The following EPS15L1 variants were observed in gnomAD, a reference collection of about 807,000 sequenced individuals.
The protein encoded by EPS15L1 is epidermal growth factor receptor pathway substrate 15 like 1.
EPS15L1 carries 43 observed loss-of-function variants against 117.1 expected under a neutral mutation model. The observed-to-expected ratio is 0.37, with a 90% CI of 0.29 to 0.47. The LOEUF is 0.47. Ranked by LOEUF, EPS15L1 falls within the 20% of genes least tolerant of loss-of-function variation. The pLI is 0.99. For synonymous variants in EPS15L1, 459 were observed against 470.5 expected (o/e 0.98, Z 0.32); for missense variants, 981 against 1,164.0 (o/e 0.84, Z 2.29).
At chr19:16,456,543 G>A (rs955523674) in intron 1 of EPS15L1, among the ~76,000 whole-genome samples, 1 of 152,038 alleles carries the variant, frequency 6.6e-6, no homozygotes, top group African/African-American at 2.4e-5. Context: ...TGTAATCTCA[G>A]CTACTTGGGA....
At chr19:16,388,095 C>T (rs1437646606) in intron 19 of EPS15L1, among the ~76,000 whole-genome samples, 5 of 152,052 alleles carry the variant, frequency 3.3e-5, no homozygotes, top group East Asian at 1.9e-4. Flanking sequence ...CAGGCTGGAG[C>T]GCAGTGGTGC....
intron 20 of EPS15L1, among the ~76,000 whole-genome samples, chr19:16,385,462 C>T (rs1018186930): frequency 6.6e-6 from 1 of 152,208 alleles, no homozygotes; most frequent in East Asian, 1.9e-4. Flanking sequence ...AGAAGAGTGA[C>T]AAGTTGCCAC....
intron 22 of EPS15L1, among the ~76,000 whole-genome samples, chr19:16,375,897 ATGT>A (rs1397895158): frequency 6.6e-6 from 1 of 152,108 alleles, no homozygotes; most frequent in East Asian, 1.9e-4. Context: ...AACTTCCCCT[ATGT>A]TCACCTCTAC....
chr19:16,451,305 G>A (rs1228962687), intron 1 of EPS15L1, among the ~76,000 whole-genome samples: 1 of 152,078 alleles, frequency 6.6e-6, no homozygotes, highest in African/African-American at 2.4e-5. Flanking sequence ...GAGAAGTTTT[G>A]TTTTTTCTTT....
At chr19:16,445,929 G>A (rs17796594) in intron 1 of EPS15L1, among the ~76,000 whole-genome samples, 3,678 of 152,318 alleles carry the variant, frequency 0.024, 120 homozygotes, top group Admixed American at 0.086. Flanking sequence ...CGCCATCTTC[G>A]CCTCTGCAGT....
chr19:16,450,477 CTTTTT>C (rs768287701), intron 1 of EPS15L1, among the ~76,000 whole-genome samples: 7 of 108,174 alleles, frequency 6.5e-5, no homozygotes, highest in African/African-American at 1.1e-4. Context: ...TGTCCATCTT[CTTTTT>C]TTTTTTTTTT....
chr19:16,456,110 G>C (rs2093193404), intron 1 of EPS15L1, among the ~76,000 whole-genome samples: 2 of 152,196 alleles, frequency 1.3e-5, no homozygotes. Context: ...TGAGGCAGAA[G>C]AATCATTTGA....
At chr19:16,426,232 C>T (rs906354076) in intron 8 of EPS15L1, among the ~76,000 whole-genome samples, 3 of 152,232 alleles carry the variant, frequency 2.0e-5, no homozygotes, top group African/African-American at 4.8e-5. Flanking sequence ...GTGTGACCTC[C>T]GTGGGATTCC....
At chr19:16,393,636 G>A (rs1331809459) in intron 18 of EPS15L1, among the ~76,000 whole-genome samples, 8 of 145,226 alleles carry the variant, frequency 5.5e-5, no homozygotes, top group East Asian at 2.0e-4. Context: ...GCGACAGAGC[G>A]AGACTCCGTC....
rs1182828820 is a variant in EPS15L1, at chr19:16,356,018, A to G, written c.2587-167T>C. Among the ~76,000 whole-genome samples the G allele has an allele frequency of 2.0e-5, 3 of 152,266 alleles. No homozygotes were observed. The East Asian group carries it at 5.8e-4, about 29-fold the overall frequency. ...CTTGGCTGGGCCCAGTGGGCGTGCG[A>G]GCCTGTCTCAGGCCCCCCATCTGGA... On this transcript the variant is annotated intron_variant, in intron 23 of 23. Transcript: ENST00000455140.
intron 1 of EPS15L1, among the ~76,000 whole-genome samples, chr19:16,450,627 C>T (rs536303543): frequency 1.3e-5 from 2 of 151,920 alleles, no homozygotes; most frequent in African/African-American, 4.8e-5. Flanking sequence ...ATTACAGATG[C>T]ATGCCAACAC....
chr19:16,466,390 T>A (rs2093305382), intron 1 of EPS15L1, among the ~76,000 whole-genome samples: 1 of 152,116 alleles, frequency 6.6e-6, no homozygotes, highest in South Asian at 2.1e-4. Context: ...CATCATCAGA[T>A]CGGAACCTGC....
chr19:16,440,753 A>C, intron 4 of EPS15L1, 109 bp downstream of exon 4: 7 of 942,310 alleles, frequency 7.4e-6, no homozygotes, highest in Non-Finnish European at 1.0e-5. Flanking sequence ...AGCCGTGCTC[A>C]TGCCTAGTAA....
chr19:16,430,131 C>T (rs771688191), intron 7 of EPS15L1, among the ~76,000 whole-genome samples: 2 of 152,224 alleles, frequency 1.3e-5, no homozygotes, highest in Non-Finnish European at 2.9e-5. Flanking sequence ...CAGACTTCTA[C>T]CAGAGTCCCC....
At chr19:16,436,031 C>T (rs946693241) in intron 6 of EPS15L1, among the ~76,000 whole-genome samples, 2 of 152,216 alleles carry the variant, frequency 1.3e-5, no homozygotes, top group Non-Finnish European at 2.9e-5. Context: ...AGAAACCCTT[C>T]ACCACAGTGA....
chr19:16,363,232 T>C (rs544708678), intron 22 of EPS15L1, among the ~76,000 whole-genome samples: 1 of 152,274 alleles, frequency 6.6e-6, no homozygotes, highest in Admixed American at 6.5e-5. Context: ...CACCCCAGAC[T>C]GGAAGCTCAA....
At chr19:16,412,875 G>A in intron 13 of EPS15L1, 1 of 598,322 alleles carries the variant, frequency 1.7e-6, no homozygotes, top group South Asian at 1.5e-5. Context: ...ATAAGGAGTG[G>A]ATGCCCATCA....
At chr19:16,427,162 G>A (rs952044703) in intron 8 of EPS15L1, among the ~76,000 whole-genome samples, 1 of 152,120 alleles carries the variant, frequency 6.6e-6, no homozygotes, top group African/African-American at 2.4e-5. Flanking sequence ...TGACTGAAGA[G>A]TTTTCAAAAG....
At chr19:16,409,884 G>A (rs924488619) in intron 13 of EPS15L1, among the ~76,000 whole-genome samples, 1 of 143,904 alleles carries the variant, frequency 6.9e-6, no homozygotes, top group Non-Finnish European at 1.5e-5. Flanking sequence ...GTTGCAGTGA[G>A]CTGAGATCGC....
Sources: allele counts gnomAD v4.1 joint callset (sites outside exome capture counted in the v4.1 genomes callset), GRCh38; gene constraint gnomAD v4.1.1; transcripts MANE v1.5; gene names NCBI Gene and HGNC (gene_info 2026-07-23, HGNC 2026-07-21).